PTPRT: variants seen among roughly 807,000 people sequenced by gnomAD.
PTPRT encodes receptor-type tyrosine-protein phosphatase T.
In PTPRT, 56 loss-of-function variants were observed where a neutral mutation model predicts 176.8. The observed-to-expected ratio is 0.32, with a 90% CI of 0.26 to 0.40. The LOEUF (loss-of-function observed/expected upper bound fraction) is 0.40. Among genes scored for constraint, PTPRT ranks in the 10% least tolerant of loss-of-function variants. The pLI is 1.00. For missense variants in PTPRT, 1,540 were observed against 1,908.2 expected, an observed-to-expected ratio of 0.81 and a Z score of 3.60; for synonymous variants, 783 against 739.0, an observed-to-expected ratio of 1.06 and a Z score of -0.96.
chr20:43,051,439 C>T (rs1239139515), intron 1 of PTPRT, among the ~76,000 whole-genome samples: 1 of 152,108 alleles, frequency 6.6e-6, no homozygotes, highest in Non-Finnish European at 1.5e-5. Flanking sequence ...GTAATAACTA[C>T]AGAATATTTG....
intron 12 of PTPRT, among the ~76,000 whole-genome samples, chr20:42,290,614 CT>C (rs2057302697): frequency 6.6e-6 from 1 of 152,038 alleles, no homozygotes; most frequent in Non-Finnish European, 1.5e-5. Flanking sequence ...CTTGATACTA[CT>C]TCCTAATACC....
At position 42,076,007 on chromosome 20, in the gene PTPRT, C is replaced by A; in HGVS notation, c.*4872G>T. On this transcript the variant is annotated 3_prime_UTR_variant, in exon 31 of 31. Coordinates refer to ENST00000373187, the MANE Select transcript of PTPRT (RefSeq NM_007050.6). Reference sequence around the variant, plus strand: ...ACTGGGTTCCAGTTTCCTGGCCTTGCGTTCCTGTTTTCCTGCCTAAAGTGC... The same window carrying A: ...ACTGGGTTCCAGTTTCCTGGCCTTGAGTTCCTGTTTTCCTGCCTAAAGTGC... 4.5e-6 allele frequency: 1 copy of A among 223,266 alleles called. No homozygotes were observed. Among genetic ancestry groups the A allele is most frequent in the Non-Finnish European group, 9.0e-6 (1 of 111,678 alleles). The allele number at this position is 223,266 out of a possible 1,614,324, so 13.8% of individuals were successfully genotyped here. A position where few individuals can be genotyped will look rare whatever the true frequency, so the allele number is the denominator to read the frequency against.
At chr20:42,497,857 T>C (rs564489009) in intron 7 of PTPRT, among the ~76,000 whole-genome samples, 1 of 152,330 alleles carries the variant, frequency 6.6e-6, no homozygotes, top group East Asian at 1.9e-4. Context: ...GCTGTGGTGA[T>C]CACTTCACAA....
chr20:42,034,551 C>T, the PTPRT span, among the ~76,000 whole-genome samples: 1 of 152,110 alleles, frequency 6.6e-6, no homozygotes, highest in Non-Finnish European at 1.5e-5. Context: ...AGGCTGTGGA[C>T]CTCACTGTTA....
rs111250500 is a variant in PTPRT at position 42,639,511 on chromosome 20, G to A, written c.1153+38355C>T. 3.9e-3 allele frequency among the ~76,000 whole-genome samples: 587 copies of A among 152,200 alleles called. 9 individuals carry two copies. The highest frequency in any genetic ancestry group is 0.014 in the African/African-American group (569 of 41,532). Reference sequence around the variant, plus strand: ...GCATTCCTTGGGTCTCAACTCTAAGGAAGCATATTCCTTTCACGAATCATT... The same window carrying A: ...GCATTCCTTGGGTCTCAACTCTAAGAAAGCATATTCCTTTCACGAATCATT... On this transcript the variant is annotated intron_variant, in intron 7 of 30. Coordinates refer to ENST00000373187, the MANE Select transcript of PTPRT (RefSeq NM_007050.6).
At position 42,906,393 on chromosome 20, in the gene PTPRT, T is replaced by A. The variant is rs1600543824; in HGVS notation, c.89-20461A>T. On this transcript the variant is annotated intron_variant, in intron 1 of 30. Transcript: ENST00000373187. The stretch of plus-strand genomic sequence containing the variant: ...CCACTCCATCTCCCTCATGGCTCCC[T>A]CATCTGCTGAAAGCTACTTCCACTC... Among the ~76,000 whole-genome samples the A allele has an allele frequency of 2.0e-5, 3 of 152,174 alleles. No homozygotes were observed. The South Asian group carries it at 6.2e-4, about 32-fold the overall frequency.
intron 2 of PTPRT, among the ~76,000 whole-genome samples, chr20:42,808,998 T>G (rs1284451138): frequency 6.6e-6 from 1 of 152,092 alleles, no homozygotes; most frequent in East Asian, 1.9e-4. Flanking sequence ...ACCCTGCAGG[T>G]GAAGGAATCT....
chr20:42,102,674 T>C (rs1986061821), intron 25 of PTPRT, among the ~76,000 whole-genome samples: 1 of 152,204 alleles, frequency 6.6e-6, no homozygotes, highest in Admixed American at 6.5e-5. Context: ...GAATCCCTAC[T>C]GAGGGCTAAA....
At chr20:42,778,139 G>A (rs1050435186) in intron 4 of PTPRT, among the ~76,000 whole-genome samples, 12 of 152,178 alleles carry the variant, frequency 7.9e-5, no homozygotes, top group Non-Finnish European at 8.8e-5. Context: ...CCAGTGAAAC[G>A]AGAATTTCAA....
At chr20:42,206,716 G>A (rs1486660305) in intron 15 of PTPRT, among the ~76,000 whole-genome samples, 1 of 152,242 alleles carries the variant, frequency 6.6e-6, no homozygotes, top group Admixed American at 6.5e-5. Flanking sequence ...AGGGGCACCC[G>A]CCATTGCCCA....
intron 15 of PTPRT, among the ~76,000 whole-genome samples, chr20:42,203,907 C>T (rs2055385474): frequency 6.6e-6 from 1 of 152,218 alleles, no homozygotes; most frequent in African/African-American, 2.4e-5. Context: ...TGATTCAACT[C>T]TTTCACCTAC....
rs541907174 is a variant in PTPRT, at chr20:42,802,965, C to T, written c.215-11499G>A. On this transcript the variant is annotated intron_variant, in intron 2 of 30. Transcript: ENST00000373187. ...GAATTAAATGTGTCTGTATGTTACA[C>T]GCTTAGAATAGTACCTGACATGTTG... Among the ~76,000 whole-genome samples the T allele has an allele frequency of 3.3e-5, 5 of 152,172 alleles. No homozygotes were observed. In the South Asian group the frequency reaches 6.2e-4, roughly 19 times the overall value.
intron 1 of PTPRT, among the ~76,000 whole-genome samples, chr20:43,012,108 T>C (rs375847061): frequency 6.6e-6 from 1 of 152,186 alleles, no homozygotes; most frequent in Non-Finnish European, 1.5e-5. Flanking sequence ...AGATGGCCTA[T>C]TGTGGGACTT....
intron 1 of PTPRT, among the ~76,000 whole-genome samples, chr20:43,062,576 A>G (rs548900195): frequency 6.6e-6 from 1 of 152,256 alleles, no homozygotes; most frequent in Non-Finnish European, 1.5e-5. Context: ...CTGAAAACCA[A>G]CACACACTCT....
At chr20:42,645,694 G>T (rs965931535) in intron 7 of PTPRT, among the ~76,000 whole-genome samples, 1 of 151,730 alleles carries the variant, frequency 6.6e-6, no homozygotes, top group Admixed American at 6.6e-5. Flanking sequence ...ATAGAGGAAA[G>T]CCACCCAGAG....
At chr20:42,043,772 AGTGATGT>A in the PTPRT span, among the ~76,000 whole-genome samples, 5 of 152,216 alleles carry the variant, frequency 3.3e-5, no homozygotes, top group African/African-American at 1.2e-4. Context: ...ATCATCTTAC[AGTGATGT>A]TGGACAATCG....
At chr20:42,048,396 A>T in the PTPRT span, among the ~76,000 whole-genome samples, 2 of 152,206 alleles carry the variant, frequency 1.3e-5, no homozygotes, top group African/African-American at 2.4e-5. Context: ...TAGGTGACCA[A>T]CAGAGTAGGA....
chr20:42,756,462 C>T lies in PTPRT; in HGVS notation c.859G>A (p.Glu287Lys), dbSNP rs1424048902. 1 of 1,548,694 alleles carries T rather than the reference C, an allele frequency of 6.5e-7. No individual in the cohort carries two copies. The highest frequency in any genetic ancestry group is 1.2e-5 in the South Asian group (1 of 82,268). Residue 287 changes from glutamate to lysine, a missense_variant and splice_region_variant, in exon 6 of 31, where the codon GAG becomes AAG. Glu to Lys is a moderately conservative substitution (Grantham distance 56). Around this residue, in one of 11 missense-constraint regions of PTPRT, gnomAD observed 273 missense variants for 432.1 expected, o/e 0.63. Transcript: ENST00000373187. ...AGAGGCGCAGGCTGGAGGCACTCAC[C>T]TTTCACGATCAGCTCCGCGTAGTTG... Reference protein sequence around the residue: ...VSNYAELIVKEPPTPIAPPEL... With the variant: ...VSNYAELIVKKPPTPIAPPEL...
chr20:43,182,689 G>A lies in PTPRT; in HGVS notation c.88+6957C>T, dbSNP rs528815086. On this transcript the variant is annotated intron_variant, in intron 1 of 30. Coordinates refer to ENST00000373187, the MANE Select transcript of PTPRT (RefSeq NM_007050.6). ...TACAGGCGTGAGCCACCACTCGCCC[G>A]GCCGTGGTTTGCAAACATCTTTTAA... is the stretch of plus-strand genomic sequence containing the variant. Among the ~76,000 whole-genome samples the A allele has an allele frequency of 7.2e-5, 11 of 152,142 alleles. No individual in the cohort carries two copies. The East Asian group carries it at 1.2e-3, about 16-fold the overall frequency.
Sources: allele counts gnomAD v4.1 joint callset (sites outside exome capture counted in the v4.1 genomes callset), GRCh38; gene constraint gnomAD v4.1.1; regional missense constraint gnomAD v4.1.1; transcripts MANE v1.5; gene names NCBI Gene and HGNC (gene_info 2026-07-23, HGNC 2026-07-21).